MGAM2: variants seen among roughly 807,000 people sequenced by gnomAD.
MGAM2 encodes the protein probable maltase-glucoamylase 2.
MGAM2 carries 98 observed loss-of-function variants against 96.1 expected under a neutral mutation model. That is an observed-to-expected ratio of 1.02 (90% CI 0.87 to 1.21). MGAM2 has a LOEUF of 1.21. Among genes scored for constraint, MGAM2 ranks in the 50% most tolerant of loss-of-function variants. MGAM2 has a pLI of 0.00. For missense variants in MGAM2, 2,055 were observed against 1,182.4 expected (o/e 1.74, Z -10.82); for synonymous variants, 749 against 414.8 (o/e 1.81, Z -9.79).
chr7:142,142,931 G>A (rs1296417058), intron 12 of MGAM2, among the ~76,000 whole-genome samples: 3 of 152,056 alleles, frequency 2.0e-5, no homozygotes, highest in African/African-American at 7.2e-5. Flanking sequence ...ACTGTTTTGT[G>A]ACACCACCTG....
At position 142,198,677 on chromosome 7, in the gene MGAM2, C is replaced by T. The variant is rs1393697225; in HGVS notation, c.4986C>T (p.Asn1662=). The T allele has an allele frequency of 1.4e-6, 1 of 703,922 alleles. No homozygotes were observed. Among genetic ancestry groups the T allele is most frequent in the Admixed American group, 2.0e-5 (1 of 50,022 alleles). 43.6% of individuals were successfully genotyped at this position (703,922 alleles called of 1,614,324 possible). ...TGAAGGCTCCCCTTGACCACATCAA[C>T]CTTCATGTCAGAGGAGGCTACATCC... ...KILKAPLDHI[N]LHVRGGYILP... is the part of the protein sequence containing the mutation. Residue 1662 remains asparagine (N), a synonymous_variant, in exon 44 of 48, where the codon AAC becomes AAT. Coordinates refer to ENST00000477922, the MANE Select transcript of MGAM2 (RefSeq NM_001293626.2).
At chr7:142,136,238 A>G (rs1795057115) in intron 7 of MGAM2, among the ~76,000 whole-genome samples, 1 of 152,200 alleles carries the variant, frequency 6.6e-6, no homozygotes, top group Non-Finnish European at 1.5e-5. Context: ...ATGAAATCAT[A>G]CAATATATGG....
At chr7:142,171,605 C>CAT (rs34204853) in intron 28 of MGAM2, among the ~76,000 whole-genome samples, 165 bp downstream of exon 28, 89 of 64,938 alleles carry the variant, frequency 1.4e-3, no homozygotes, top group South Asian at 2.2e-3. Flanking sequence ...CCCTAAAAGG[C>CAT]ATATATATAT....
In MGAM2 at chr7:142,182,154, C is replaced by T. The variant is rs142549977; in HGVS notation, c.3817-1112C>T. Among the ~76,000 whole-genome samples the T allele has an allele frequency of 1.6e-4, 24 of 152,274 alleles. No homozygotes were observed. The East Asian group carries it at 2.1e-3, about 14-fold the overall frequency. Reference sequence around the variant, plus strand: ...GCTCCTCCCCTACTCAAGCCTCAGCCGCAGATCTCAGCTAGATAATCCTGA... The same window carrying T: ...GCTCCTCCCCTACTCAAGCCTCAGCTGCAGATCTCAGCTAGATAATCCTGA... On this transcript the variant is annotated intron_variant, in intron 32 of 47. Transcript: ENST00000477922.
At chr7:142,196,337 G>A (rs1044093556) in intron 38 of MGAM2, 50 bp downstream of exon 38, 9 of 684,490 alleles carry the variant, frequency 1.3e-5, no homozygotes, top group Admixed American at 1.0e-4. Flanking sequence ...GGGCACTGGA[G>A]TTTGTGCTGT....
intron 45 of MGAM2, among the ~76,000 whole-genome samples, chr7:142,204,038 A>C (rs1797322492): frequency 1.3e-5 from 2 of 151,980 alleles, no homozygotes; most frequent in Non-Finnish European, 2.9e-5. Context: ...TATTCTTAAG[A>C]CCAATTTTTG....
In MGAM2 at chr7:142,185,121, C is replaced by T; in HGVS notation, c.3969C>T (p.Asp1323=). The T allele has an allele frequency of 1.4e-6, 1 of 702,912 alleles. No homozygotes were observed. Among genetic ancestry groups the T allele is most frequent in the Non-Finnish European group, 2.6e-6 (1 of 384,930 alleles). The allele number at this position is 702,912 out of a possible 1,614,324, so 43.5% of individuals were successfully genotyped here. ...ATGTAATTGTAGATGGATCCCTTGA[C>T]CATGAAACTCAGGTTAAGGTACAGT... The part of the protein sequence containing the change: ...LPNVIVDGSL[D]HETQVKLYRA... Residue 1323 remains aspartate, a synonymous_variant, in exon 34 of 48, where the codon GAC becomes GAT. Transcript: ENST00000477922.
chr7:142,210,165 G>C (rs565716720), intron 46 of MGAM2, among the ~76,000 whole-genome samples: 70 of 152,312 alleles, frequency 4.6e-4, no homozygotes, highest in African/African-American at 1.7e-3. Context: ...ATCTGGCCCA[G>C]ATACTACACT....
intron 46 of MGAM2, 30 bp downstream of exon 46, chr7:142,208,652 C>A (rs1242414314): frequency 5.7e-6 from 4 of 700,910 alleles, no homozygotes; most frequent in Non-Finnish European, 2.6e-6. Flanking sequence ...TTTTACAAAT[C>A]TTTTCCCAGG....
intron 46 of MGAM2, among the ~76,000 whole-genome samples, chr7:142,215,881 C>CT (rs1797746575): frequency 6.6e-6 from 1 of 151,164 alleles, no homozygotes. Context: ...TTTCTTTTCA[C>CT]TTTTTAAAAA....
At chr7:142,201,359 C>T (rs550470686) in intron 45 of MGAM2, among the ~76,000 whole-genome samples, 4 of 152,150 alleles carry the variant, frequency 2.6e-5, no homozygotes, top group South Asian at 4.2e-4. Context: ...TATGAGCCAC[C>T]GTTCCCAGCC....
intron 12 of MGAM2, among the ~76,000 whole-genome samples, chr7:142,142,524 GT>G (rs746342532): frequency 4.2e-3 from 335 of 78,908 alleles, no homozygotes; most frequent in South Asian, 0.018. Flanking sequence ...AGTGGTGTGT[GT>G]TTTTTTTTTT....
At chr7:142,163,214 G>A (rs1795940440) in intron 23 of MGAM2, among the ~76,000 whole-genome samples, 1 of 152,176 alleles carries the variant, frequency 6.6e-6, no homozygotes, top group African/African-American at 2.4e-5. Context: ...GTCATGAGCT[G>A]TTACAAATAA....
chr7:142,209,496 G>C (rs1471780396), intron 46 of MGAM2, among the ~76,000 whole-genome samples: 1 of 152,174 alleles, frequency 6.6e-6, no homozygotes, highest in Non-Finnish European at 1.5e-5. Context: ...ATTTTAATTA[G>C]AGTATGAGGA....
intron 14 of MGAM2, 87 bp from the exon 15 acceptor site, chr7:142,147,369 C>G (rs1180343777): frequency 7.9e-6 from 5 of 631,102 alleles, no homozygotes; most frequent in South Asian, 1.8e-5. Flanking sequence ...GGGGAAGGTA[C>G]AGTAATCAGG....
chr7:142,149,716 A>G (rs1563261337), intron 15 of MGAM2, among the ~76,000 whole-genome samples: 1 of 149,852 alleles, frequency 6.7e-6, no homozygotes, highest in Non-Finnish European at 1.5e-5. Context: ...AATTGTTTGT[A>G]TTTTTTAGTA....
intron 46 of MGAM2, among the ~76,000 whole-genome samples, chr7:142,212,868 T>C (rs1286625963): frequency 1.3e-5 from 2 of 152,080 alleles, no homozygotes; most frequent in African/African-American, 4.8e-5. Context: ...CCACCCTAAA[T>C]CAACAGAATA....
In MGAM2 at chr7:142,172,127, T is replaced by G. The variant is rs1796214416; in HGVS notation, c.3381T>G (p.Pro1127=). 1 of 735,884 alleles carries G rather than the reference T, an allele frequency of 1.4e-6. No homozygotes were observed. The highest frequency in any genetic ancestry group is 1.7e-5 in the African/African-American group (1 of 58,330). 45.6% of individuals were successfully genotyped at this position (735,884 alleles called of 1,614,324 possible). Reference sequence around the variant, plus strand: ...AGAAGAATTCCTATGGTGTCCACCCTTACTACATGGCACTGGAGGAGGATG... The same window carrying G: ...AGAAGAATTCCTATGGTGTCCACCCGTACTACATGGCACTGGAGGAGGATG... ...AYKKNSYGVH[P]YYMALEEDGS... is the part of the protein sequence containing the mutation. Residue 1127 remains proline, a synonymous_variant, in exon 29 of 48, where the codon CCT becomes CCG. Transcript: ENST00000477922.
intron 6 of MGAM2, among the ~76,000 whole-genome samples, 176 bp downstream of exon 6, chr7:142,132,261 C>T (rs1046553990): frequency 1.3e-5 from 2 of 150,200 alleles, no homozygotes; most frequent in African/African-American, 4.9e-5. Flanking sequence ...GCTCGTAAAA[C>T]AGAGAATACT....
Sources: gnomAD v4.1 joint callset for allele counts (sites outside exome capture counted in the v4.1 genomes callset) on GRCh38, gnomAD v4.1.1 for gene constraint, MANE v1.5 for transcripts, NCBI Gene and HGNC (gene_info 2026-07-23, HGNC 2026-07-21) for gene names.